The following COG5 variants were observed in gnomAD, a reference collection of about 807,000 sequenced individuals.
COG5 encodes the protein conserved oligomeric Golgi complex subunit 5.
In COG5, 86 loss-of-function variants were observed where a neutral mutation model predicts 110.4. The ratio of observed to expected loss-of-function variants is 0.78; its 90% CI spans 0.65 to 0.93. The LOEUF (loss-of-function observed/expected upper bound fraction) is 0.93. Among genes scored for constraint, COG5 ranks in the 40% least tolerant of loss-of-function variants. The pLI is 0.00. For missense variants in COG5, 1,077 were observed against 987.0 expected, an observed-to-expected ratio of 1.09 and a Z score of -1.22; for synonymous variants, 360 against 334.6, an observed-to-expected ratio of 1.08 and a Z score of -0.83.
intron 10 of COG5, among the ~76,000 whole-genome samples, chr7:107,330,188 T>C (rs1211452302): frequency 1.3e-5 from 2 of 152,242 alleles, no homozygotes; most frequent in African/African-American, 2.4e-5. Context: ...CAGGGAAACA[T>C]TTGTAATTTA....
chr7:107,234,711 A>G (rs550947274), intron 18 of COG5, among the ~76,000 whole-genome samples: 1 of 152,262 alleles, frequency 6.6e-6, no homozygotes, highest in South Asian at 2.1e-4. Context: ...AGATGAAACA[A>G]AAAGAAAAAC....
At chr7:107,372,474 T>G (rs982398429) in intron 8 of COG5, 121 bp downstream of exon 8, 16 of 947,710 alleles carry the variant, frequency 1.7e-5, no homozygotes, top group Admixed American at 4.4e-5. Flanking sequence ...TCTTCTCTCA[T>G]TTTCTGTCTA....
chr7:107,528,259 T>C (rs1050121977), intron 5 of COG5, among the ~76,000 whole-genome samples: 1 of 152,030 alleles, frequency 6.6e-6, no homozygotes, highest in African/African-American at 2.4e-5. Context: ...GCCTGGCTAA[T>C]TGTATTTTTT....
chr7:107,334,021 G>T (rs1035734970), intron 10 of COG5, among the ~76,000 whole-genome samples: 5 of 152,002 alleles, frequency 3.3e-5, no homozygotes, highest in Non-Finnish European at 5.9e-5. Flanking sequence ...AGAATGCATG[G>T]TTTACTAGTA....
intron 6 of COG5, among the ~76,000 whole-genome samples, chr7:107,516,440 T>G (rs973372827): frequency 6.6e-6 from 1 of 152,256 alleles, no homozygotes; most frequent in African/African-American, 2.4e-5. Flanking sequence ...AACAGTATCA[T>G]TTGAAGAGCT....
At chr7:107,391,340 C>A (rs1415672027) in intron 7 of COG5, among the ~76,000 whole-genome samples, 1 of 152,036 alleles carries the variant, frequency 6.6e-6, no homozygotes, top group Non-Finnish European at 1.5e-5. Flanking sequence ...CGGGAGGGAC[C>A]CCTGCAGAGT....
intron 6 of COG5, among the ~76,000 whole-genome samples, chr7:107,455,703 G>C (rs1795623010): frequency 6.6e-6 from 1 of 152,086 alleles, no homozygotes; most frequent in Admixed American, 6.5e-5. Context: ...AATTTGTATA[G>C]TTTATGATTT....
intron 6 of COG5, among the ~76,000 whole-genome samples, chr7:107,480,090 G>A (rs1249433055): frequency 6.6e-6 from 1 of 152,028 alleles, no homozygotes; most frequent in Admixed American, 6.6e-5. Context: ...AAGGATAATA[G>A]TAATGAAAGG....
intron 18 of COG5, among the ~76,000 whole-genome samples, chr7:107,236,026 A>AT (rs1801162756): frequency 6.6e-6 from 1 of 152,218 alleles, no homozygotes; most frequent in Non-Finnish European, 1.5e-5. Context: ...ATTTAAAGGA[A>AT]TGGGAACACT....
At chr7:107,541,523 A>ATATAT (rs923191098) in intron 5 of COG5, among the ~76,000 whole-genome samples, 6 of 57,006 alleles carry the variant, frequency 1.1e-4, no homozygotes, top group African/African-American at 3.3e-4. Flanking sequence ...AAAAAAAAAA[A>ATATAT]ATATATATAT....
At chr7:107,524,446 ATTCT>A (rs1324140900) in intron 6 of COG5, among the ~76,000 whole-genome samples, 1 of 152,200 alleles carries the variant, frequency 6.6e-6, no homozygotes, top group Non-Finnish European at 1.5e-5. Flanking sequence ...TCATTATTTT[ATTCT>A]TTCTAATGCT....
At chr7:107,346,850 C>T (rs993292249) in intron 10 of COG5, among the ~76,000 whole-genome samples, 1 of 152,068 alleles carries the variant, frequency 6.6e-6, no homozygotes, top group African/African-American at 2.4e-5. Context: ...TATCCCTCCC[C>T]ACTCCCCCTA....
intron 3 of COG5, among the ~76,000 whole-genome samples, chr7:107,551,919 C>T (rs1802918037): frequency 6.6e-6 from 1 of 152,192 alleles, no homozygotes; most frequent in Admixed American, 6.5e-5. Context: ...CCCTGGCCTA[C>T]ACTTCAATCT....
Position 107,283,622 on chromosome 7 carries a change from C to T in COG5, c.1424G>A (p.Arg475His), listed in dbSNP as rs1197475508. 17 of 1,613,754 alleles carry T rather than the reference C, an allele frequency of 1.1e-5. No individual in the cohort carries two copies. The highest frequency in any genetic ancestry group is 7.7e-5 in the South Asian group (7 of 91,084). ...AAGTTCATCAGAGGAAGGAGGATTA[C>T]GACCACCCGGGGGAAAAACCAAGTT... ...PINLVFPPGG[R>H]NPPSSDELDG... The change falls in exon 13 of 22, where the codon CGT (arginine) becomes CAT (histidine). Residue 475 changes from arginine (R) to histidine (H), a missense_variant. Arg to His is a conservative substitution (Grantham distance 29). Coordinates refer to ENST00000297135, the MANE Select transcript of COG5 (RefSeq NM_006348.5).
chr7:107,346,666 T>A (rs1223138780), intron 10 of COG5, among the ~76,000 whole-genome samples: 1 of 152,156 alleles, frequency 6.6e-6, no homozygotes, highest in Non-Finnish European at 1.5e-5. Flanking sequence ...TCACTGCAGG[T>A]TTTCTAACAC....
intron 19 of COG5, among the ~76,000 whole-genome samples, chr7:107,219,455 T>C (rs1799750810): frequency 2.0e-5 from 3 of 152,080 alleles, no homozygotes; most frequent in African/African-American, 2.4e-5. Flanking sequence ...AATGGATGAG[T>C]AGATAAAGAA....
chr7:107,289,419 G>C (rs1679444851), intron 12 of COG5, among the ~76,000 whole-genome samples: 1 of 151,878 alleles, frequency 6.6e-6, no homozygotes, highest in Non-Finnish European at 1.5e-5. Context: ...GTAGTGACTT[G>C]TGAGCCCTCC....
chr7:107,258,447 C>CTG, intron 14 of COG5, 64 bp from the exon 15 acceptor site: 1 of 899,344 alleles, frequency 1.1e-6, no homozygotes, highest in South Asian at 1.3e-5. Flanking sequence ...CTCTCTCTCT[C>CTG]TCTCACACAC....
intron 19 of COG5, among the ~76,000 whole-genome samples, chr7:107,215,550 G>A (rs1044699106): frequency 6.6e-6 from 1 of 151,222 alleles, no homozygotes; most frequent in African/African-American, 2.4e-5. Flanking sequence ...TGTAGTCCCA[G>A]CTACTCGGGA....
Sources: allele counts gnomAD v4.1 joint callset (sites outside exome capture counted in the v4.1 genomes callset), GRCh38; gene constraint gnomAD v4.1.1; transcripts MANE v1.5; gene names NCBI Gene and HGNC (gene_info 2026-07-23, HGNC 2026-07-21).